ACTN2: variants seen among roughly 807,000 people sequenced by gnomAD.
ACTN2 encodes actinin alpha 2, also known as alpha-actinin-2.
ACTN2 carries 39 observed loss-of-function variants against 113.8 expected under a neutral mutation model. The ratio of observed to expected loss-of-function variants is 0.34; its 90% CI spans 0.27 to 0.45. The LOEUF (loss-of-function observed/expected upper bound fraction) is 0.45. Ranked by LOEUF, ACTN2 falls within the 20% of genes least tolerant of loss-of-function variation. The pLI is 1.00. For synonymous variants in ACTN2, 429 were observed against 444.1 expected, an observed-to-expected ratio of 0.97 and a Z score of 0.43; for missense variants, 992 against 1,177.9, an observed-to-expected ratio of 0.84 and a Z score of 2.31.
intron 1 of ACTN2, among the ~76,000 whole-genome samples, chr1:236,715,174 T>G (rs911133994): frequency 1.3e-5 from 2 of 150,862 alleles, no homozygotes; most frequent in Admixed American, 1.3e-4. Context: ...TTTTTTATTC[T>G]ACTTTAAGGT....
At chr1:236,737,318 T>TATATATATATAGATATATATATA in intron 9 of ACTN2, 104 bp downstream of exon 9, 1 of 292,762 alleles carries the variant, frequency 3.4e-6, no homozygotes, top group Non-Finnish European at 6.9e-6. Context: ...TATATATATA[T>TATATATATATAGATATATATATA]TTTGCATTTT....
rs1016440903 is a variant in ACTN2, at chr1:236,695,069, C to T, written c.126+8270C>T. Among the ~76,000 whole-genome samples, 6 of 150,410 alleles carry T rather than the reference C, an allele frequency of 4.0e-5. No homozygotes were observed. In the South Asian group the frequency reaches 6.3e-4, roughly 16 times the overall value. On this transcript the variant is annotated intron_variant, in intron 1 of 20. Transcript: ENST00000366578. The stretch of plus-strand genomic sequence containing the variant: ...GTGACAGAGTGAGAAATAAGCTTTT[C>T]GTTAAAAAATGTTCAGGCCGGGCAC...
intron 13 of ACTN2, among the ~76,000 whole-genome samples, chr1:236,748,346 T>C (rs1659297724): frequency 6.6e-6 from 1 of 152,112 alleles, no homozygotes; most frequent in South Asian, 2.1e-4. Flanking sequence ...GATGATACTT[T>C]TGAGATAACC....
At chr1:236,743,085 G>T in intron 11 of ACTN2, 42 bp downstream of exon 11, 1 of 1,610,906 alleles carries the variant, frequency 6.2e-7, no homozygotes, top group East Asian at 2.2e-5. Flanking sequence ...AAAAACCAGA[G>T]TTGAGCCATG....
chr1:236,721,022 G>GT (rs869077774), intron 4 of ACTN2, among the ~76,000 whole-genome samples: 2,590 of 66,414 alleles, frequency 0.039, 304 homozygotes, highest in African/African-American at 0.13. Flanking sequence ...TTTGTTTTTT[G>GT]TTTTTTTTTT....
intron 1 of ACTN2, among the ~76,000 whole-genome samples, chr1:236,713,541 G>T (rs144822864): frequency 6.6e-6 from 1 of 151,918 alleles, no homozygotes; most frequent in East Asian, 1.9e-4. Context: ...ATAGAACAAT[G>T]TATATCCTAT....
intron 12 of ACTN2, 24 bp from the exon 13 acceptor site, chr1:236,747,643 T>A: frequency 6.3e-7 from 1 of 1,597,436 alleles, no homozygotes; most frequent in South Asian, 1.1e-5. Flanking sequence ...AAAGTTAATC[T>A]TTATTTATTT....
rs147718034 is a variant in ACTN2, at chr1:236,747,834, A to G, written c.1515+59A>G. The G allele has an allele frequency of 2.9e-4, 370 of 1,269,892 alleles. No homozygotes were observed. The African/African-American group carries it at 4.9e-3, about 17-fold the overall frequency. The allele number at this position is 1,269,892 out of a possible 1,614,324, so 78.7% of individuals were successfully genotyped here. On this transcript the variant is annotated intron_variant, in intron 13 of 20. Coordinates refer to ENST00000366578, the MANE Select transcript of ACTN2 (RefSeq NM_001103.4). ...CTTTTAATAGAAGCTCTTTAATTAA[A>G]TCACTGGTATTCATTGTGTGTTTCT...
chr1:236,727,850 C>T (rs952703395), intron 6 of ACTN2, 94 bp downstream of exon 6: 50 of 1,212,560 alleles, frequency 4.1e-5, no homozygotes, highest in Admixed American at 3.2e-4. Flanking sequence ...GCACAAACCC[C>T]AGGGCCACCT....
intron 1 of ACTN2, among the ~76,000 whole-genome samples, chr1:236,707,292 G>A (rs1657853578): frequency 6.6e-6 from 1 of 152,212 alleles, no homozygotes; most frequent in Non-Finnish European, 1.5e-5. Context: ...AATTGGCAGG[G>A]TTCTGGATTC....
At chr1:236,736,664 C>G in intron 8 of ACTN2, 2 of 1,519,828 alleles carry the variant, frequency 1.3e-6, no homozygotes, top group Non-Finnish European at 1.8e-6. Flanking sequence ...AATTCAAGTG[C>G]AATGGTATAT....
chr1:236,761,318 A>G, intron 20 of ACTN2, 145 bp downstream of exon 20: 1 of 982,112 alleles, frequency 1.0e-6, no homozygotes, highest in Non-Finnish European at 1.6e-6. Flanking sequence ...GGCAGCAGAT[A>G]GACACACAAC....
rs1268534809 is a variant in ACTN2, at chr1:236,763,230, T to C, written c.*611T>C. On this transcript the variant is annotated 3_prime_UTR_variant, in exon 21 of 21. Transcript: ENST00000366578. Reference sequence around the variant, plus strand: ...CTTACAATTTTTAAAATAGTTTATGTCATCTCTTCATTATTTAGGGCTGGA... The same window carrying C: ...CTTACAATTTTTAAAATAGTTTATGCCATCTCTTCATTATTTAGGGCTGGA... 1 of 160,136 alleles carries C rather than the reference T, an allele frequency of 6.2e-6. No homozygotes were observed. Among genetic ancestry groups the C allele is most frequent in the Non-Finnish European group, 1.4e-5 (1 of 72,836 alleles). The allele number at this position is 160,136 out of a possible 1,614,324, so 9.9% of individuals were successfully genotyped here. A position where few individuals can be genotyped will look rare whatever the true frequency, so the allele number is the denominator to read the frequency against.
intron 7 of ACTN2, among the ~76,000 whole-genome samples, chr1:236,733,838 C>T (rs1658784079): frequency 6.6e-6 from 1 of 152,186 alleles, no homozygotes. Context: ...GTGTTGGTCT[C>T]TGAACCCAAG....
chr1:236,692,337 G>A (rs1666112915), intron 1 of ACTN2, among the ~76,000 whole-genome samples: 2 of 152,242 alleles, frequency 1.3e-5, no homozygotes, highest in Admixed American at 1.3e-4. Context: ...GTATTGACAA[G>A]CAACAACCAA....
At chr1:236,688,030 GA>G (rs1391713203) in intron 1 of ACTN2, among the ~76,000 whole-genome samples, 3 of 152,014 alleles carry the variant, frequency 2.0e-5, no homozygotes, top group East Asian at 1.9e-4. Context: ...GTAATAAATA[GA>G]AAAAAACAAA....
Position 236,757,492 on chromosome 1 carries a change from C to G in ACTN2, c.2161C>G (p.Arg721Gly), listed in dbSNP as rs149433837. ...KHTNYTMEHIRVGWELLLTTI... is the reference protein window; with the variant it reads ...KHTNYTMEHIGVGWELLLTTI... ...TCCCCTTTTCCCTCAATAGCACATTCGTGTTGGATGGGAGCTGCTGCTGAC... is the reference window on the plus strand; with the variant it reads ...TCCCCTTTTCCCTCAATAGCACATTGGTGTTGGATGGGAGCTGCTGCTGAC... The change falls in exon 18 of 21, where the codon CGT becomes GGT. Residue 721 changes from arginine (R) to glycine (G), a missense_variant. By Grantham distance (125) the Arg-to-Gly change is moderately radical. Transcript: ENST00000366578. 6.2e-7 allele frequency: 1 copy of G among 1,614,078 alleles called. No homozygotes were observed. The highest frequency in any genetic ancestry group is 8.5e-7 in the Non-Finnish European group (1 of 1,180,012).
intron 7 of ACTN2, among the ~76,000 whole-genome samples, chr1:236,733,710 T>C (rs898779386): frequency 6.6e-6 from 1 of 152,204 alleles, no homozygotes; most frequent in African/African-American, 2.4e-5. Context: ...ATCAGCAGTT[T>C]AAAATTTCTG....
chr1:236,741,473 A>C (rs1659064849), intron 10 of ACTN2, among the ~76,000 whole-genome samples: 1 of 152,182 alleles, frequency 6.6e-6, no homozygotes, highest in Admixed American at 6.5e-5. Flanking sequence ...GAACATATCC[A>C]AAAGAGTTCC....
Sources: gnomAD v4.1 joint callset for allele counts (sites outside exome capture counted in the v4.1 genomes callset) on GRCh38, gnomAD v4.1.1 for gene constraint, MANE v1.5 for transcripts, NCBI Gene and HGNC (gene_info 2026-07-23, HGNC 2026-07-21) for gene names.